TMX1: variants seen among roughly 807,000 people sequenced by gnomAD.
The protein encoded by TMX1 is thioredoxin related transmembrane protein 1.
TMX1 carries 25 observed loss-of-function variants against 36.6 expected under a neutral mutation model. The observed-to-expected ratio is 0.68, with a 90% CI of 0.50 to 0.95. The LOEUF (loss-of-function observed/expected upper bound fraction) is 0.95, where lower values mean the gene tolerates loss of function less well. Ranked by LOEUF, TMX1 falls within the 40% of genes least tolerant of loss-of-function variation. The pLI is 0.00. For missense variants in TMX1, 347 were observed against 339.6 expected, an observed-to-expected ratio of 1.02 and a Z score of -0.17; for synonymous variants, 133 against 118.0, an observed-to-expected ratio of 1.13 and a Z score of -0.82.
chr14:51,247,652 C>T lies in TMX1; in HGVS notation c.443+432C>T, dbSNP rs372436886. On this transcript the variant is annotated intron_variant, in intron 4 of 7. Coordinates refer to ENST00000457354, the MANE Select transcript of TMX1 (RefSeq NM_030755.5). ...GATTACAGGTGTGAGCCACTATGCACGGCCTACATGTTTGATCTTTTTAGT... is the reference window on the plus strand; with the variant it reads ...GATTACAGGTGTGAGCCACTATGCATGGCCTACATGTTTGATCTTTTTAGT... Among the ~76,000 whole-genome samples the T allele has an allele frequency of 4.5e-4, 69 of 152,306 alleles. 1 individual carries two copies. The South Asian group carries it at 0.014, about 31-fold the overall frequency.
At chr14:51,250,167 G>C (rs1314477890) in intron 7 of TMX1, among the ~76,000 whole-genome samples, 1 of 152,144 alleles carries the variant, frequency 6.6e-6, no homozygotes, top group Non-Finnish European at 1.5e-5. Flanking sequence ...AGGATATTGG[G>C]AAAAGCAATC....
intron 3 of TMX1, 102 bp downstream of exon 3, chr14:51,245,460 C>G: frequency 6.4e-7 from 1 of 1,562,534 alleles, no homozygotes. Context: ...CTGAGGTAAT[C>G]TCATTATATT....
At chr14:51,246,612 A>T (rs564808498) in intron 3 of TMX1, among the ~76,000 whole-genome samples, 16 of 152,182 alleles carry the variant, frequency 1.1e-4, no homozygotes, top group Non-Finnish European at 2.1e-4. Context: ...AGAGGAAGGG[A>T]AGCACCATAC....
At chr14:51,249,291 T>C in intron 4 of TMX1, 35 bp from the exon 5 acceptor site, 1 of 1,540,688 alleles carries the variant, frequency 6.5e-7, no homozygotes, top group Non-Finnish European at 8.8e-7. Flanking sequence ...TCTGTGTATG[T>C]TACTCAGTTT....
At chr14:51,250,261 A>G (rs1444272647) in intron 7 of TMX1, among the ~76,000 whole-genome samples, 2 of 152,188 alleles carry the variant, frequency 1.3e-5, no homozygotes, top group Non-Finnish European at 2.9e-5. Flanking sequence ...CAATCTTGTA[A>G]TTGTACTGTT....
intron 7 of TMX1, among the ~76,000 whole-genome samples, chr14:51,251,080 CT>C: frequency 6.6e-6 from 1 of 152,286 alleles, no homozygotes; most frequent in South Asian, 2.1e-4. Flanking sequence ...TACTCACCAA[CT>C]TTTAAATTGT....
chr14:51,249,867 C>T, intron 7 of TMX1, 102 bp downstream of exon 7: 1 of 851,944 alleles, frequency 1.2e-6, no homozygotes, highest in Non-Finnish European at 1.8e-6. Flanking sequence ...GCTTAGAATT[C>T]TAACTGTGGA....
chr14:51,240,500 C>CGGGG lies in TMX1; in HGVS notation c.152+57_152+58insGGGG, dbSNP rs1195089838. 8.3e-6 allele frequency: 13 copies of CGGGG among 1,575,626 alleles called. No homozygotes were observed. In the South Asian group the frequency reaches 1.0e-4, roughly 12 times the overall value. ...CGTGCCTGGACACACGACTTCACCCCGCACGTTCCTCGTGCGGGTCGCAGG... is the reference window on the plus strand; with the variant it reads ...CGTGCCTGGACACACGACTTCACCCCGGGGGCACGTTCCTCGTGCGGGTCGCAGG... On this transcript the variant is annotated intron_variant, in intron 1 of 7. Transcript: ENST00000457354.
intron 7 of TMX1, among the ~76,000 whole-genome samples, chr14:51,250,695 G>A (rs2065807671): frequency 6.6e-6 from 1 of 152,156 alleles, no homozygotes; most frequent in Non-Finnish European, 1.5e-5. Context: ...GTTTCACTGT[G>A]TTAGCCAGGA....
In TMX1 at chr14:51,247,230, AG is replaced by A. The variant is rs1435504490; in HGVS notation, c.443+13del. On this transcript the variant is annotated intron_variant, in intron 4 of 7. Transcript: ENST00000457354. ...GTCCAGGTTCTGTTCTGTAAGTATG[AG>A]GGCTTTTTCTCTTACCCATTTCATA... is the stretch of plus-strand genomic sequence containing the variant. 1 of 1,604,636 alleles carries A rather than the reference AG, an allele frequency of 6.2e-7. No individual in the cohort carries two copies. The highest frequency in any genetic ancestry group is 2.2e-5 in the East Asian group (1 of 44,712).
chr14:51,257,545 C>A lies in TMX1; in HGVS notation c.*3026C>A, dbSNP rs2065844023. On this transcript the variant is annotated 3_prime_UTR_variant, in exon 8 of 8. Transcript: ENST00000457354. ...TATAAATAAAATTTTAATTGAACAT[C>A]ATTGGAGATTTAGATATGTTGGTAC... 6.6e-6 allele frequency: 1 copy of A among 152,084 alleles called. No homozygotes were observed. Among genetic ancestry groups the A allele is most frequent in the Non-Finnish European group, 1.5e-5 (1 of 68,010 alleles). 9.4% of individuals were successfully genotyped at this position (152,084 alleles called of 1,614,324 possible).
In TMX1 at chr14:51,240,338, C is replaced by T. The variant is rs377090322; in HGVS notation, c.46C>T (p.Leu16=). Residue 16 remains leucine, a synonymous_variant, in exon 1 of 8, where the codon CTG becomes TTG. Transcript: ENST00000457354. ...SLAVPLAVLV[L]LLWGAPWTHG... is the part of the protein sequence containing the mutation. The stretch of plus-strand genomic sequence containing the variant: ...TGCAGTTCCCCTGGCAGTCCTGGTG[C>T]TGTTGCTTTGGGGTGCTCCCTGGAC... The T allele has an allele frequency of 1.9e-6, 3 of 1,613,692 alleles. No homozygotes were observed. In the African/African-American group the frequency reaches 4.0e-5, roughly 22 times the overall value.
rs1390189202 is a variant in TMX1 at position 51,255,857 on chromosome 14, C to T, written c.*1338C>T. 1 of 152,338 alleles carries T rather than the reference C, an allele frequency of 6.6e-6. No individual in the cohort carries two copies. The highest frequency in any genetic ancestry group is 2.4e-5 in the African/African-American group (1 of 41,426). 9.4% of individuals were successfully genotyped at this position (152,338 alleles called of 1,614,324 possible). The stretch of plus-strand genomic sequence containing the variant: ...TAGTAGACAATTTCTGTAATGTCCC[C>T]TTCTTTCTAGGCTCTGTTGCTGTGT... On this transcript the variant is annotated 3_prime_UTR_variant, in exon 8 of 8. Transcript: ENST00000457354.
rs369206359 is a variant in TMX1 at position 51,245,378 on chromosome 14, A to G, written c.314+20A>G. The G allele has an allele frequency of 1.1e-5, 18 of 1,613,146 alleles. No homozygotes were observed. In the African/African-American group the frequency reaches 2.3e-4, roughly 20 times the overall value. ...TTATCAGTAAGTATTTGAAGATTCT[A>G]AATTATGGAGAAGGATGCATTATAG... On this transcript the variant is annotated intron_variant, in intron 3 of 7. Transcript: ENST00000457354.
In TMX1 at chr14:51,254,524, A is replaced by T. The variant is rs748892432; in HGVS notation, c.*5A>T. 1 of 1,579,794 alleles carries T rather than the reference A, an allele frequency of 6.3e-7. No individual in the cohort carries two copies. The highest frequency in any genetic ancestry group is 2.3e-5 in the East Asian group (1 of 44,224). ...TTGGCCACAGATAAATCCTAGTTAA[A>T]TTTTATAGTTATCTTAATATTATGA... is the stretch of plus-strand genomic sequence containing the variant. On this transcript the variant is annotated 3_prime_UTR_variant, in exon 8 of 8. Transcript: ENST00000457354.
At chr14:51,241,834 T>TA (rs2065762950) in intron 1 of TMX1, among the ~76,000 whole-genome samples, 1 of 152,042 alleles carries the variant, frequency 6.6e-6, no homozygotes. Flanking sequence ...TGTTATTTTT[T>TA]AAAAAAACAA....
At chr14:51,244,785 A>G (rs1408846513) in intron 2 of TMX1, among the ~76,000 whole-genome samples, 3 of 152,238 alleles carry the variant, frequency 2.0e-5, no homozygotes. Flanking sequence ...CCCATTTCAC[A>G]GATAAGAAAA....
chr14:51,252,464 C>T (rs113526373), intron 7 of TMX1, among the ~76,000 whole-genome samples: 2,759 of 151,788 alleles, frequency 0.018, 95 homozygotes, highest in African/African-American at 0.062. Flanking sequence ...ACCCTCTGAG[C>T]GTGTAACCTC....
rs2065802179 is a variant in TMX1 at position 51,249,560 on chromosome 14, A to G, written c.582A>G (p.Leu194=). The part of the protein sequence containing the change: ...FALATLFSGL[L]LGLCMIFVAD... ...TAGCAACTCTGTTTTCCGGACTGTT[A>G]TTAGGACTCGTAAGTATTTCATTTT... Residue 194 remains leucine (L), a synonymous_variant, in exon 6 of 8, where the codon TTA becomes TTG. Coordinates refer to ENST00000457354, the MANE Select transcript of TMX1 (RefSeq NM_030755.5). 1.2e-6 allele frequency: 2 copies of G among 1,613,368 alleles called. No individual in the cohort carries two copies. The highest frequency in any genetic ancestry group is 2.2e-5 in the East Asian group (1 of 44,830).
Sources: allele counts gnomAD v4.1 joint callset (sites outside exome capture counted in the v4.1 genomes callset), GRCh38; gene constraint gnomAD v4.1.1; transcripts MANE v1.5; gene names NCBI Gene and HGNC (gene_info 2026-07-23, HGNC 2026-07-21).